Variants in LGALS3 observed in about 807,000 individuals in gnomAD.
The protein encoded by LGALS3 is galectin-3.
A neutral mutation model predicts 20.7 loss-of-function variants in LGALS3; 18 were observed. The ratio of observed to expected loss-of-function variants is 0.87; its 90% confidence interval spans 0.60 to 1.29. The LOEUF (loss-of-function observed/expected upper bound fraction) is 1.29. Ranked by LOEUF, LGALS3 falls within the 50% of genes most tolerant of loss-of-function variation. The probability of loss-of-function intolerance (pLI) is 0.00; values close to 1 mark genes in which losing one functional copy is unlikely to be tolerated. For synonymous variants in LGALS3, 112 were observed against 119.6 expected, an observed-to-expected ratio of 0.94 and a Z score of 0.42; for missense variants, 315 against 314.7, an observed-to-expected ratio of 1.00 and a Z score of -0.01.
At chr14:55,137,525 G>T (rs1881443755) in intron 2 of LGALS3, 134 bp downstream of exon 2, 1 of 1,585,278 alleles carries the variant, frequency 6.3e-7, no homozygotes, top group African/African-American at 1.4e-5. Flanking sequence ...TGTCCAATGA[G>T]GGCTTGCAAG....
intron 1 of LGALS3, among the ~76,000 whole-genome samples, chr14:55,131,113 T>TC (rs1025718793): frequency 2.0e-5 from 3 of 152,196 alleles, no homozygotes; most frequent in African/African-American, 7.2e-5. Context: ...CAGCACTTAG[T>TC]CCAGATTCTG....
At chr14:55,144,140 C>T (rs150052724) in intron 5 of LGALS3, among the ~76,000 whole-genome samples, 1 of 152,206 alleles carries the variant, frequency 6.6e-6, no homozygotes, top group African/African-American at 2.4e-5. Context: ...TAGACCATAT[C>T]AGAACTTTTG....
At chr14:55,134,650 AG>A (rs1881327832) in intron 1 of LGALS3, among the ~76,000 whole-genome samples, 1 of 152,168 alleles carries the variant, frequency 6.6e-6, no homozygotes, top group Non-Finnish European at 1.5e-5. Flanking sequence ...GTAGTGTGGC[AG>A]CCTTTTGGGG....
rs1555380241 is a variant in LGALS3, at chr14:55,135,560, G to GGTTTTTTTTTTTTTTTTTTTT, written c.-4-1810_-4-1809insGTTTTTTTTTTTTTTTTTTTT. On this transcript the variant is annotated intron_variant, in intron 1 of 5. Transcript: ENST00000254301. ...ACCAAAAATAAGGTAATATTTTATG[G>GGTTTTTTTTTTTTTTTTTTTT]TTTTTTTTTTTTTTTTTTTTTTTTG... Among the ~76,000 whole-genome samples the GGTTTTTTTTTTTTTTTTTTTT allele has an allele frequency of 1.9e-5, 2 of 106,560 alleles. 1 individual carries two copies. The allele number at this position is 106,560 out of a possible 152,430, so 69.9% of individuals were successfully genotyped here. A position where few individuals can be genotyped will look rare whatever the true frequency, so the allele number is the denominator to read the frequency against.
intron 1 of LGALS3, among the ~76,000 whole-genome samples, chr14:55,131,167 G>A (rs1265454460): frequency 6.6e-6 from 1 of 152,210 alleles, no homozygotes; most frequent in Non-Finnish European, 1.5e-5. Flanking sequence ...GCACTTAGAA[G>A]TGCTAGGAGG....
chr14:55,133,317 T>C (rs181161051), intron 1 of LGALS3, among the ~76,000 whole-genome samples: 123 of 152,334 alleles, frequency 8.1e-4, no homozygotes, highest in African/African-American at 2.7e-3. Context: ...AGTTTCCTTA[T>C]GGTGAGAACA....
chr14:55,145,315 A>T lies in LGALS3; in HGVS notation c.*44A>T, dbSNP rs1162591376. Reference sequence around the variant, plus strand: ...AAAAAAAAAAAAGAATCTAAACCTTACATGTGTAAAGGTTTCATGTTCACT... The same window carrying T: ...AAAAAAAAAAAAGAATCTAAACCTTTCATGTGTAAAGGTTTCATGTTCACT... On this transcript the variant is annotated 3_prime_UTR_variant, in exon 6 of 6. Coordinates refer to ENST00000254301, the MANE Select transcript of LGALS3 (RefSeq NM_002306.4). 1 of 1,603,222 alleles carries T rather than the reference A, an allele frequency of 6.2e-7. No homozygotes were observed. Among genetic ancestry groups the T allele is most frequent in the Admixed American group, 1.7e-5 (1 of 59,682 alleles).
At chr14:55,137,964 G>C in intron 2 of LGALS3, 81 bp from the exon 3 acceptor site, 1 of 1,446,914 alleles carries the variant, frequency 6.9e-7, no homozygotes, top group Non-Finnish European at 9.1e-7. Flanking sequence ...CTCCTTCTTA[G>C]ATCACATATT....
At chr14:55,143,596 A>G (rs1314904683) in intron 5 of LGALS3, 2 of 212,602 alleles carry the variant, frequency 9.4e-6, no homozygotes, top group East Asian at 1.8e-4. Context: ...TAACTTTTGT[A>G]TTTTCTGTAG....
At chr14:55,135,080 G>A (rs866573817) in intron 1 of LGALS3, among the ~76,000 whole-genome samples, 1 of 152,104 alleles carries the variant, frequency 6.6e-6, no homozygotes, top group African/African-American at 2.4e-5. Context: ...CATGAGCCTG[G>A]GAGGTGGAGG....
chr14:55,136,106 T>C (rs558906913), intron 1 of LGALS3, among the ~76,000 whole-genome samples: 5 of 152,284 alleles, frequency 3.3e-5, no homozygotes, highest in Admixed American at 3.3e-4. Flanking sequence ...CTACAACAGC[T>C]GTGAAGCATC....
chr14:55,131,036 A>G (rs1302065947), intron 1 of LGALS3, among the ~76,000 whole-genome samples: 1 of 152,220 alleles, frequency 6.6e-6, no homozygotes. Flanking sequence ...ATCATACCCC[A>G]TCCTTGATCT....
chr14:55,142,541 A>G (rs1158780031), intron 4 of LGALS3, 43 bp from the exon 5 acceptor site: 3 of 1,516,136 alleles, frequency 2.0e-6, no homozygotes, highest in Non-Finnish European at 2.7e-6. Context: ...GTGCAAATGT[A>G]CAGCTTTAAT....
rs758712256 is a variant in LGALS3 at position 55,142,782 on chromosome 14, G to A, written c.597+33G>A. ...ATTGCTACTATTATATATTGATAAT[G>A]TATATTTCTCATGAGGAATCACTCT... On this transcript the variant is annotated intron_variant, in intron 5 of 5. Transcript: ENST00000254301. 2.6e-6 allele frequency: 4 copies of A among 1,523,378 alleles called. No individual in the cohort carries two copies. In the South Asian group the frequency reaches 3.4e-5, roughly 13 times the overall value. 94.4% of individuals were successfully genotyped at this position (1,523,378 alleles called of 1,614,324 possible).
chr14:55,138,387 T>C lies in LGALS3; in HGVS notation c.342+19T>C. 3 of 1,611,888 alleles carry C rather than the reference T, an allele frequency of 1.9e-6. No homozygotes were observed. Among genetic ancestry groups the C allele is most frequent in the Non-Finnish European group, 2.5e-6 (3 of 1,179,746 alleles). On this transcript the variant is annotated intron_variant, in intron 3 of 5. Coordinates refer to ENST00000254301, the MANE Select transcript of LGALS3 (RefSeq NM_002306.4). ...GCCACTGGTGAGATGGCATTCCTTC[T>C]TTCATGTACTTGACATGCAGAGGGC...
At position 55,136,000 on chromosome 14, in the gene LGALS3, G is replaced by GT. The variant is rs531181777; in HGVS notation, c.-4-1369dup. Among the ~76,000 whole-genome samples, 55 of 152,314 alleles carry GT rather than the reference G, an allele frequency of 3.6e-4. 1 individual carries two copies. The South Asian group carries it at 0.011, about 30-fold the overall frequency. On this transcript the variant is annotated intron_variant, in intron 1 of 5. Coordinates refer to ENST00000254301, the MANE Select transcript of LGALS3 (RefSeq NM_002306.4). ...ATATTCTGGTTGTTTCAAGGTCCAG[G>GT]TAATTCAGGCCATGGCACAGGTGAT...
intron 4 of LGALS3, among the ~76,000 whole-genome samples, chr14:55,141,318 T>A (rs1566783026): frequency 1.3e-5 from 2 of 152,220 alleles, no homozygotes; most frequent in Admixed American, 6.5e-5. Flanking sequence ...GCCCGTCTCA[T>A]AGCAAATTAC....
rs551028108 is a variant in LGALS3 at position 55,138,115 on chromosome 14, C to G, written c.89C>G (p.Pro30Arg). ...QGWPGAWGNQ[P>R]AGAGGYPGAS... ...TGGCCTGGCGCATGGGGGAACCAGC[C>G]TGCTGGGGCAGGGGGCTACCCAGGG... is the stretch of plus-strand genomic sequence containing the variant. The change falls in exon 3 of 6, where the codon CCT becomes CGT. Residue 30 changes from proline to arginine, a missense_variant. By Grantham distance (103) the Pro-to-Arg change is moderately radical (BLOSUM62 -2). Coordinates refer to ENST00000254301, the MANE Select transcript of LGALS3 (RefSeq NM_002306.4). The G allele has an allele frequency of 1.9e-5, 29 of 1,545,956 alleles. No homozygotes were observed. The African/African-American group carries it at 2.9e-4, about 16-fold the overall frequency.
intron 1 of LGALS3, among the ~76,000 whole-genome samples, chr14:55,133,996 A>T (rs1244216618): frequency 6.6e-6 from 1 of 152,210 alleles, no homozygotes; most frequent in Non-Finnish European, 1.5e-5. Context: ...TACACTGCTA[A>T]CTAGCTAGAT....
Sources: gnomAD v4.1 joint callset for allele counts (sites outside exome capture counted in the v4.1 genomes callset) on GRCh38, gnomAD v4.1.1 for gene constraint, MANE v1.5 for transcripts, NCBI Gene and HGNC (gene_info 2026-07-23, HGNC 2026-07-21) for gene names.